The following IRAK3 variants were observed in gnomAD, a reference collection of about 807,000 sequenced individuals.
IRAK3 encodes interleukin-1 receptor-associated kinase 3.
Under a neutral mutation model 56.6 loss-of-function variants are expected in IRAK3, and 57 were observed. The observed-to-expected ratio is 1.01, with a 90% CI of 0.81 to 1.26. The LOEUF (loss-of-function observed/expected upper bound fraction) is 1.26. Ranked by LOEUF, IRAK3 falls within the 50% of genes most tolerant of loss-of-function variation. The pLI, the probability that IRAK3 is intolerant of heterozygous loss-of-function variation, is 0.00. For missense variants in IRAK3, 703 were observed against 719.0 expected (o/e 0.98, Z 0.25); for synonymous variants, 258 against 255.7 (o/e 1.01, Z -0.09).
chr12:66,252,451 C>T lies in IRAK3; in HGVS notation c.*4280C>T, dbSNP rs2053109754. 6.6e-6 allele frequency: 1 copy of T among 152,224 alleles called. No homozygotes were observed. The highest frequency in any genetic ancestry group is 1.5e-5 in the Non-Finnish European group (1 of 68,044). The allele number at this position is 152,224 out of a possible 1,614,324, so 9.4% of individuals were successfully genotyped here. On this transcript the variant is annotated 3_prime_UTR_variant, in exon 12 of 12. Coordinates refer to ENST00000261233, the MANE Select transcript of IRAK3 (RefSeq NM_007199.3). Reference sequence around the variant, plus strand: ...CAGATTTTTAGTAGGTACCATGTCTCCTGCCTTTATCACTATCCTACTCCT... The same window carrying T: ...CAGATTTTTAGTAGGTACCATGTCTTCTGCCTTTATCACTATCCTACTCCT...
intron 6 of IRAK3, among the ~76,000 whole-genome samples, chr12:66,224,960 T>C (rs1017185512): frequency 6.6e-6 from 1 of 152,198 alleles, no homozygotes; most frequent in African/African-American, 2.4e-5. Flanking sequence ...AGCAAAAGAT[T>C]GGGTGGCATG....
chr12:66,247,885 CT>C lies in IRAK3; in HGVS notation c.1506del (p.Gln503ArgfsTer15), dbSNP rs2053052617. The C allele has an allele frequency of 6.2e-7, 1 of 1,614,060 alleles. No individual in the cohort carries two copies. The highest frequency in any genetic ancestry group is 1.1e-5 in the South Asian group (1 of 91,084). On this transcript the variant is annotated frameshift_variant, in exon 12 of 12. Transcript: ENST00000261233. LOFTEE classifies it low-confidence loss of function (END_TRUNC). ...SDEGLRIDRM[T>X]QKTPFECSQS... ...GAAGGCCTGAGGATAGACAGAATGA[CT>C]CAGAAAACTCCTTTTGAATGCAGCC... is the stretch of plus-strand genomic sequence containing the variant.
intron 8 of IRAK3, among the ~76,000 whole-genome samples, chr12:66,243,138 G>T (rs2052989596): frequency 6.6e-6 from 1 of 151,856 alleles, no homozygotes; most frequent in African/African-American, 2.4e-5. Context: ...ACAAAGTCTG[G>T]ACTAGAATCT....
chr12:66,218,617 G>A (rs1446425228), intron 6 of IRAK3, among the ~76,000 whole-genome samples: 1 of 152,092 alleles, frequency 6.6e-6, no homozygotes, highest in Admixed American at 6.5e-5. Context: ...TAGTTTATCA[G>A]GGTAGCTTTT....
intron 8 of IRAK3, among the ~76,000 whole-genome samples, chr12:66,242,058 AT>A (rs2052975825): frequency 6.6e-6 from 1 of 152,076 alleles, no homozygotes; most frequent in Non-Finnish European, 1.5e-5. Context: ...GTCAATTATA[AT>A]TCTATGCCTT....
intron 8 of IRAK3, among the ~76,000 whole-genome samples, chr12:66,228,696 A>G (rs1378913845): frequency 6.6e-6 from 1 of 152,182 alleles, no homozygotes; most frequent in East Asian, 1.9e-4. Flanking sequence ...TTACAATGGC[A>G]CAAAAGTGAT....
chr12:66,220,701 T>C (rs1565805523), intron 6 of IRAK3, among the ~76,000 whole-genome samples: 1 of 151,546 alleles, frequency 6.6e-6, no homozygotes, highest in Non-Finnish European at 1.5e-5. Context: ...TTTGTATTTT[T>C]AGTAGAGACG....
rs147244555 is a variant in IRAK3, at chr12:66,211,528, A to T, written c.519A>T (p.Glu173Asp). The T allele has an allele frequency of 1.2e-6, 2 of 1,610,056 alleles. No individual in the cohort carries two copies. The highest frequency in any genetic ancestry group is 2.7e-5 in the African/African-American group (2 of 74,888). The change falls in exon 5 of 12, where the codon GAA becomes GAT. Residue 173 changes from glutamate (E) to aspartate (D), a missense_variant. By Grantham distance (45) the Glu-to-Asp change is conservative (BLOSUM62 2). Transcript: ENST00000261233. ...RNFHKDFLIG[E>D]GEIFEVYRVE... ...TCCACAAAGACTTCCTAATTGGAGA[A>T]GGAGAGATTTTTGAGGTATACAGAG...
chr12:66,232,149 A>G (rs2052850703), intron 8 of IRAK3, among the ~76,000 whole-genome samples: 1 of 152,224 alleles, frequency 6.6e-6, no homozygotes, highest in Admixed American at 6.5e-5. Flanking sequence ...TGCATCTAGC[A>G]ATGTATTTTA....
intron 1 of IRAK3, 78 bp from the exon 2 acceptor site, chr12:66,203,633 A>G (rs184742337): frequency 7.9e-7 from 1 of 1,266,332 alleles, no homozygotes; most frequent in Admixed American, 1.8e-5. Flanking sequence ...AGAGGAAATA[A>G]AACATTAGGT....
At chr12:66,190,861 C>T (rs1263830366) in intron 1 of IRAK3, among the ~76,000 whole-genome samples, 1 of 152,172 alleles carries the variant, frequency 6.6e-6, no homozygotes, top group Non-Finnish European at 1.5e-5. Context: ...ACCCCAGCTA[C>T]TCTACACTTC....
chr12:66,234,724 TG>T, intron 8 of IRAK3: 1 of 1,600,798 alleles, frequency 6.2e-7, no homozygotes, highest in Non-Finnish European at 8.6e-7. Context: ...ATTTTTCTGT[TG>T]ATTCCGTCCT....
At chr12:66,234,722 G>A (rs1208091963) in intron 8 of IRAK3, 1 of 1,600,442 alleles carries the variant, frequency 6.2e-7, no homozygotes. Context: ...ACATTTTTCT[G>A]TTGATTCCGT....
intron 8 of IRAK3, among the ~76,000 whole-genome samples, chr12:66,244,271 T>C (rs1234117571): frequency 1.3e-5 from 2 of 152,240 alleles, no homozygotes; most frequent in Non-Finnish European, 2.9e-5. Context: ...CCACTGTTCA[T>C]AGGTCAGGTT....
chr12:66,245,166 A>G lies in IRAK3; in HGVS notation c.1218A>G (p.Lys406=), dbSNP rs767884035. 1.2e-6 allele frequency: 2 copies of G among 1,614,060 alleles called. No individual in the cohort carries two copies. ...CATGTCTCTCATTTCTAGATAAGAA[A>G]GTGCCTCCCTGCCCTCGGAATTTCT... is the stretch of plus-strand genomic sequence containing the variant. ...LDSCLSFLDK[K]VPPCPRNFSA... Residue 406 remains lysine, a synonymous_variant, in exon 11 of 12, where the codon AAA becomes AAG. Transcript: ENST00000261233.
chr12:66,214,895 T>C (rs920896230), intron 5 of IRAK3, among the ~76,000 whole-genome samples: 1 of 152,022 alleles, frequency 6.6e-6, no homozygotes, highest in Admixed American at 6.6e-5. Flanking sequence ...AGAGACGAGG[T>C]GAAGTGGACC....
Position 66,248,354 on chromosome 12 carries a change from C to A in IRAK3, c.*183C>A. 1 of 538,484 alleles carries A rather than the reference C, an allele frequency of 1.9e-6. No individual in the cohort carries two copies. Among genetic ancestry groups the A allele is most frequent in the Non-Finnish European group, 3.3e-6 (1 of 304,070 alleles). 33.4% of individuals were successfully genotyped at this position (538,484 alleles called of 1,614,324 possible). Reference sequence around the variant, plus strand: ...TTTCCCAAACCCTCAAACAGAGTGCCTTAAAAAATTGTTTTATCAGGATAA... The same window carrying A: ...TTTCCCAAACCCTCAAACAGAGTGCATTAAAAAATTGTTTTATCAGGATAA... On this transcript the variant is annotated 3_prime_UTR_variant, in exon 12 of 12. Transcript: ENST00000261233.
intron 5 of IRAK3, among the ~76,000 whole-genome samples, chr12:66,216,118 C>T (rs1458109852): frequency 6.6e-6 from 1 of 152,112 alleles, no homozygotes; most frequent in Admixed American, 6.5e-5. Flanking sequence ...TTTCAAGCAA[C>T]AGGGTGTTAG....
chr12:66,220,526 T>TTA (rs2052721151), intron 6 of IRAK3, among the ~76,000 whole-genome samples: 1 of 131,898 alleles, frequency 7.6e-6, no homozygotes, highest in Non-Finnish European at 1.6e-5. Context: ...TTTTTTTTTT[T>TTA]TTTTTTTTTT....
Sources: gnomAD v4.1 joint callset for allele counts (sites outside exome capture counted in the v4.1 genomes callset) on GRCh38, gnomAD v4.1.1 for gene constraint, MANE v1.5 for transcripts, NCBI Gene and HGNC (gene_info 2026-07-23, HGNC 2026-07-21) for gene names.